The following MATN2 variants were observed in gnomAD, a reference collection of about 807,000 sequenced individuals.
MATN2 encodes matrilin-2.
In MATN2, 69 loss-of-function variants were observed where a neutral mutation model predicts 103.2. The observed-to-expected ratio is 0.67, with a 90% CI of 0.55 to 0.82. The LOEUF is 0.82. Ranked by LOEUF, MATN2 falls within the 40% of genes least tolerant of loss-of-function variation. The pLI is 0.00. For synonymous variants in MATN2, 429 were observed against 450.2 expected (o/e 0.95, Z 0.60); for missense variants, 1,023 against 1,211.5 (o/e 0.84, Z 2.31).
rs116579444 is a variant in MATN2, at chr8:97,909,681, G to A, written c.143-21272G>A. ...GAGTGAGGGGCCCACGGTAGGAGATGAGATCAGAGAAGTAACAAGGGGGCC... is the reference window on the plus strand; with the variant it reads ...GAGTGAGGGGCCCACGGTAGGAGATAAGATCAGAGAAGTAACAAGGGGGCC... On this transcript the variant is annotated intron_variant, in intron 2 of 18. Transcript: ENST00000254898. 3.2e-3 allele frequency among the ~76,000 whole-genome samples: 482 copies of A among 152,298 alleles called. 6 individuals are homozygous for A. Among genetic ancestry groups the A allele is most frequent in the African/African-American group, 0.011 (461 of 41,572 alleles).
intron 2 of MATN2, among the ~76,000 whole-genome samples, chr8:97,926,468 T>C (rs1285486766): frequency 2.0e-5 from 3 of 152,212 alleles, no homozygotes; most frequent in Non-Finnish European, 4.4e-5. Flanking sequence ...CTGGCTGTAC[T>C]GATAATTTCC....
intron 4 of MATN2, among the ~76,000 whole-genome samples, chr8:97,957,132 C>G (rs1235592794): frequency 6.6e-6 from 1 of 152,160 alleles, no homozygotes. Context: ...GCCTTAACTC[C>G]AGCCAACTTG....
At chr8:97,932,509 A>T (rs989477941) in intron 3 of MATN2, among the ~76,000 whole-genome samples, 3 of 152,108 alleles carry the variant, frequency 2.0e-5, no homozygotes, top group Non-Finnish European at 4.4e-5. Context: ...TCTATGTTGG[A>T]AGCTTTCTTT....
intron 13 of MATN2, among the ~76,000 whole-genome samples, chr8:98,027,160 T>C (rs914251557): frequency 5.3e-5 from 8 of 152,082 alleles, no homozygotes; most frequent in African/African-American, 1.7e-4. Context: ...CTTGGTTTCC[T>C]AGACAATTGT....
At chr8:97,984,478 T>G (rs749571296) in intron 6 of MATN2, among the ~76,000 whole-genome samples, 4 of 152,226 alleles carry the variant, frequency 2.6e-5, no homozygotes, top group Non-Finnish European at 5.9e-5. Flanking sequence ...TGGAGGAATT[T>G]GTGCTCAATG....
In MATN2 at chr8:98,033,588, A is replaced by C. The variant is rs1298752786; in HGVS notation, c.2744A>C (p.Gln915Pro). 1.2e-6 allele frequency: 2 copies of C among 1,600,398 alleles called. No homozygotes were observed. The highest frequency in any genetic ancestry group is 1.7e-6 in the Non-Finnish European group (2 of 1,174,540). ...SGSPLEEKHD[Q>P]CKCENLIMFQ... ...AGCCCTTTGGAAGAAAAACACGATC[A>C]ATGCAAATGTGAAAACCTTATAATG... Residue 915 changes from glutamine to proline, a missense_variant, in exon 18 of 19, where the codon CAA becomes CCA. Physicochemically the swap from Gln to Pro is moderately conservative, Grantham distance 76 (BLOSUM62 -1). Coordinates refer to ENST00000254898, the MANE Select transcript of MATN2 (RefSeq NM_002380.5).
At chr8:97,970,103 G>A (rs1020336220) in intron 5 of MATN2, among the ~76,000 whole-genome samples, 6 of 152,190 alleles carry the variant, frequency 3.9e-5, no homozygotes, top group African/African-American at 1.4e-4. Context: ...TGCAGAGCAG[G>A]GCTACCCTGT....
At chr8:97,960,235 G>A (rs1811264527) in intron 4 of MATN2, among the ~76,000 whole-genome samples, 2 of 152,210 alleles carry the variant, frequency 1.3e-5, no homozygotes, top group African/African-American at 2.4e-5. Flanking sequence ...GGGATTACAG[G>A]TGTGAGCTAC....
At chr8:97,958,280 G>A (rs980866817) in intron 4 of MATN2, among the ~76,000 whole-genome samples, 1 of 152,178 alleles carries the variant, frequency 6.6e-6, no homozygotes, top group Non-Finnish European at 1.5e-5. Context: ...ATGGGGCAAG[G>A]CAGCATCTGC....
At chr8:97,988,189 T>TATATATATATATATATATACACACACAC (rs71570279) in intron 6 of MATN2, among the ~76,000 whole-genome samples, 3 of 54,970 alleles carry the variant, frequency 5.5e-5, no homozygotes, top group African/African-American at 2.3e-4. Context: ...TATATATATA[T>TATATATATATATATATATACACACACAC]ACACACACAC....
chr8:98,017,051 A>C (rs889145733), intron 11 of MATN2, among the ~76,000 whole-genome samples: 1 of 152,210 alleles, frequency 6.6e-6, no homozygotes, highest in Non-Finnish European at 1.5e-5. Context: ...CAAACAAAAA[A>C]AGTCAATGCC....
chr8:97,985,552 C>T (rs1025822393), intron 6 of MATN2, among the ~76,000 whole-genome samples: 4 of 151,982 alleles, frequency 2.6e-5, no homozygotes, highest in East Asian at 1.9e-4. Flanking sequence ...TTATTTGGGC[C>T]GTTTTCCATG....
At position 97,888,142 on chromosome 8, in the gene MATN2, A is replaced by G. The variant is rs1165234720; in HGVS notation, c.42A>G (p.Gly14=). The change falls in exon 2 of 19, where the codon GGA becomes GGG. Residue 14 remains glycine (G), a synonymous_variant. Coordinates refer to ENST00000254898, the MANE Select transcript of MATN2 (RefSeq NM_002380.5). ...MLAGCFLLIL[G]QIVLLPAEAR... is the part of the protein sequence containing the mutation. ...CAGGCTGCTTTCTGCTGATCCTCGGACAGATCGTCCTCCTCCCTGCCGAGG... is the reference window on the plus strand; with the variant it reads ...CAGGCTGCTTTCTGCTGATCCTCGGGCAGATCGTCCTCCTCCCTGCCGAGG... 1.2e-6 allele frequency: 2 copies of G among 1,609,336 alleles called. No individual in the cohort carries two copies. Among genetic ancestry groups the G allele is most frequent in the Non-Finnish European group, 1.7e-6 (2 of 1,178,122 alleles).
At chr8:97,948,097 A>T (rs778547025) in intron 4 of MATN2, among the ~76,000 whole-genome samples, 3 of 152,256 alleles carry the variant, frequency 2.0e-5, no homozygotes, top group African/African-American at 7.2e-5. Flanking sequence ...GGCCATTTTC[A>T]ACAGCAAAAT....
intron 5 of MATN2, among the ~76,000 whole-genome samples, chr8:97,968,406 A>C (rs1266948003): frequency 6.6e-6 from 1 of 152,246 alleles, no homozygotes; most frequent in Non-Finnish European, 1.5e-5. Context: ...TTTCTCTGCC[A>C]CATGGCTAGG....
chr8:97,892,721 C>G (rs1350600474), intron 2 of MATN2, among the ~76,000 whole-genome samples: 1 of 152,138 alleles, frequency 6.6e-6, no homozygotes, highest in African/African-American at 2.4e-5. Flanking sequence ...ACTTTTTGTT[C>G]TCTATATACC....
intron 2 of MATN2, among the ~76,000 whole-genome samples, chr8:97,897,228 G>A (rs1194985329): frequency 1.3e-5 from 2 of 152,238 alleles, no homozygotes; most frequent in Non-Finnish European, 2.9e-5. Flanking sequence ...AACTATTACT[G>A]TAGAGAAACC....
intron 1 of MATN2, among the ~76,000 whole-genome samples, chr8:97,884,500 A>G (rs1818360350): frequency 6.6e-6 from 1 of 152,162 alleles, no homozygotes; most frequent in African/African-American, 2.4e-5. Flanking sequence ...AACAGCAACA[A>G]CAGGCCGAGT....
intron 2 of MATN2, among the ~76,000 whole-genome samples, chr8:97,908,654 C>G (rs1315549689): frequency 6.6e-6 from 1 of 151,782 alleles, no homozygotes; most frequent in East Asian, 1.9e-4. Context: ...TTTTTTGAGG[C>G]AGAGTCTCAC....
Sources: allele counts gnomAD v4.1 joint callset (sites outside exome capture counted in the v4.1 genomes callset), GRCh38; gene constraint gnomAD v4.1.1; transcripts MANE v1.5; gene names NCBI Gene and HGNC (gene_info 2026-07-23, HGNC 2026-07-21).